The following CADM1 variants were observed in gnomAD, a reference collection of about 807,000 sequenced individuals.
CADM1 encodes TSLC-1.
CADM1 carries 15 observed loss-of-function variants against 53.1 expected under a neutral mutation model. That is an observed-to-expected ratio of 0.28 (90% CI 0.19 to 0.44). The LOEUF is 0.44. CADM1 is among the 20% of genes least tolerant of loss of function. The pLI, the probability that CADM1 is intolerant of heterozygous loss-of-function variation, is 1.00. For synonymous variants in CADM1, 281 were observed against 243.0 expected (o/e 1.16, Z -1.45); for missense variants, 434 against 611.3 (o/e 0.71, Z 3.06).
Position 115,262,794 on chromosome 11 carries a change from CT to C in CADM1, c.125-22375del, listed in dbSNP as rs113040150. ...AAGCTTTTCTATGCCCTTGATGGGT[CT>C]TTTTTTTTTTCTTTAAACATTTTAT... On this transcript the variant is annotated intron_variant, in intron 1 of 11. Coordinates refer to ENST00000331581, the MANE Select transcript of CADM1 (RefSeq NM_001301043.2). Among the ~76,000 whole-genome samples, 616 of 145,646 alleles carry C rather than the reference CT, an allele frequency of 4.2e-3. 3 individuals carry two copies. The highest frequency in any genetic ancestry group is 0.014 in the African/African-American group (551 of 40,096).
intron 1 of CADM1, among the ~76,000 whole-genome samples, chr11:115,395,411 A>C (rs946753829): frequency 2.0e-5 from 3 of 152,222 alleles, no homozygotes; most frequent in Non-Finnish European, 4.4e-5. Context: ...AAAGCAAATC[A>C]TTTACACACA....
chr11:115,267,062 T>A (rs1943161676), intron 1 of CADM1, among the ~76,000 whole-genome samples: 1 of 152,200 alleles, frequency 6.6e-6, no homozygotes, highest in Admixed American at 6.5e-5. Context: ...TGTTAGGGCT[T>A]GATAAAACAC....
At position 115,169,539 on chromosome 11, in the gene CADM1, C is replaced by CA. The variant is rs1251394150; in HGVS notation, c.*6934dup. The CA allele has an allele frequency of 2.7e-5, 12 of 452,750 alleles. No homozygotes were observed. Among genetic ancestry groups the CA allele is most frequent in the Non-Finnish European group, 8.9e-6 (2 of 225,792 alleles). 28.0% of individuals were successfully genotyped at this position (452,750 alleles called of 1,614,324 possible). A position where few individuals can be genotyped will look rare whatever the true frequency, so the allele number is the denominator to read the frequency against. ...GTAATGGCATTTTCCCTTCCTTGTCCAAACGATAAAAGATTCATGTTCCTA... is the reference window on the plus strand; with the variant it reads ...GTAATGGCATTTTCCCTTCCTTGTCCAAAACGATAAAAGATTCATGTTCCTA... On this transcript the variant is annotated 3_prime_UTR_variant, in exon 12 of 12. Transcript: ENST00000331581.
chr11:115,207,841 A>G (rs1940769439), intron 8 of CADM1, among the ~76,000 whole-genome samples: 1 of 152,234 alleles, frequency 6.6e-6, no homozygotes, highest in Admixed American at 6.5e-5. Flanking sequence ...ATGTAGGGCA[A>G]TGGAGAATTA....
At chr11:115,210,735 T>C (rs1940919832) in intron 7 of CADM1, among the ~76,000 whole-genome samples, 1 of 152,228 alleles carries the variant, frequency 6.6e-6, no homozygotes, top group African/African-American at 2.4e-5. Context: ...AATTAATACA[T>C]CAAAACTTTA....
At chr11:115,416,696 A>AAT (rs1273662726) in intron 1 of CADM1, among the ~76,000 whole-genome samples, 2 of 99,472 alleles carry the variant, frequency 2.0e-5, no homozygotes, top group African/African-American at 3.9e-5. Flanking sequence ...GTAAGGATTA[A>AAT]ATACACACAC....
chr11:115,172,952 G>A lies in CADM1; in HGVS notation c.*3522C>T, dbSNP rs45539744. 4,831 of 152,064 alleles carry A rather than the reference G, an allele frequency of 0.032. 236 individuals are homozygous for A. Among genetic ancestry groups the A allele is most frequent in the African/African-American group, 0.11 (4,496 of 41,430 alleles). 9.4% of individuals were successfully genotyped at this position (152,064 alleles called of 1,614,324 possible). On this transcript the variant is annotated 3_prime_UTR_variant, in exon 12 of 12. Transcript: ENST00000331581. ...AAGGGCACTTTGGGCCTGGCCAGAC[G>A]TTATCTGCACATTTATAAGATCGGC...
At chr11:115,352,011 A>G (rs1945749901) in intron 1 of CADM1, among the ~76,000 whole-genome samples, 1 of 152,218 alleles carries the variant, frequency 6.6e-6, no homozygotes, top group Non-Finnish European at 1.5e-5. Context: ...AATATTCCCA[A>G]AAGTCATAGA....
rs371635132 is a variant in CADM1 at position 115,214,618 on chromosome 11, C to G, written c.984G>C (p.Leu328=). 6.8e-6 allele frequency: 11 copies of G among 1,613,804 alleles called. No individual in the cohort carries two copies. The highest frequency in any genetic ancestry group is 1.7e-4 in the Middle Eastern group (1 of 6,060). The change falls in exon 7 of 12, where the codon CTG becomes CTC. Residue 328 remains leucine (L), a synonymous_variant. Coordinates refer to ENST00000331581, the MANE Select transcript of CADM1 (RefSeq NM_001301043.2). ...TATCTTCTCACGTACCGTATACATA[C>G]AGCATATAATCCGAGTGAGCTTTCC... ...IVGKAHSDYM[L]YVYDPPTTIP... is the part of the protein sequence containing the mutation.
At chr11:115,179,688 C>T (rs982635975) in intron 10 of CADM1, among the ~76,000 whole-genome samples, 11 of 152,112 alleles carry the variant, frequency 7.2e-5, no homozygotes, top group African/African-American at 2.4e-4. Context: ...TTGATTAATA[C>T]ATTAACATTT....
At chr11:115,251,222 G>A (rs924584779) in intron 1 of CADM1, among the ~76,000 whole-genome samples, 6 of 152,158 alleles carry the variant, frequency 3.9e-5, no homozygotes, top group Non-Finnish European at 8.8e-5. Flanking sequence ...CTGCCTCAAG[G>A]GCATTCATTA....
At chr11:115,340,650 A>ATTTTTT (rs1565375180) in intron 1 of CADM1, among the ~76,000 whole-genome samples, 3 of 35,654 alleles carry the variant, frequency 8.4e-5, no homozygotes, top group African/African-American at 3.1e-4. Flanking sequence ...ATATATATAT[A>ATTTTTT]TATATATATT....
intron 1 of CADM1, among the ~76,000 whole-genome samples, chr11:115,300,378 C>G (rs2135133418): frequency 6.6e-6 from 1 of 152,232 alleles, no homozygotes; most frequent in Non-Finnish European, 1.5e-5. Flanking sequence ...CATCATCTGT[C>G]TTTAGACAGG....
chr11:115,455,908 A>G (rs902312947), intron 1 of CADM1, among the ~76,000 whole-genome samples: 1 of 152,108 alleles, frequency 6.6e-6, no homozygotes, highest in African/African-American at 2.4e-5. Context: ...TCCAGAAGCA[A>G]CTCCAGGGTT....
At chr11:115,293,103 A>G (rs1448121002) in intron 1 of CADM1, among the ~76,000 whole-genome samples, 1 of 152,196 alleles carries the variant, frequency 6.6e-6, no homozygotes, top group Non-Finnish European at 1.5e-5. Flanking sequence ...GAGAAGAGGC[A>G]GAAAATCAAA....
chr11:115,196,096 C>T (rs540881700), intron 9 of CADM1, among the ~76,000 whole-genome samples: 2 of 152,222 alleles, frequency 1.3e-5, no homozygotes, highest in South Asian at 2.1e-4. Flanking sequence ...ACTTGAACAT[C>T]GTCTCCAAAC....
intron 1 of CADM1, among the ~76,000 whole-genome samples, chr11:115,472,130 A>C (rs186341581): frequency 2.6e-4 from 39 of 152,356 alleles, no homozygotes; most frequent in Non-Finnish European, 5.6e-4. Flanking sequence ...ATCTTCAAGA[A>C]AATAAAGGGG....
chr11:115,428,200 T>C (rs1947945141), intron 1 of CADM1, among the ~76,000 whole-genome samples: 1 of 152,084 alleles, frequency 6.6e-6, no homozygotes, highest in East Asian at 1.9e-4. Flanking sequence ...TATCATTAGA[T>C]TGTAATCTTA....
chr11:115,367,983 A>G (rs971023433), intron 1 of CADM1, among the ~76,000 whole-genome samples: 2 of 152,024 alleles, frequency 1.3e-5, no homozygotes, highest in African/African-American at 4.8e-5. Context: ...ATTTAGTTGT[A>G]GGCACATTCA....
Sources: gnomAD v4.1 joint callset for allele counts (sites outside exome capture counted in the v4.1 genomes callset) on GRCh38, gnomAD v4.1.1 for gene constraint, MANE v1.5 for transcripts, NCBI Gene and HGNC (gene_info 2026-07-23, HGNC 2026-07-21) for gene names.